Variants in RBM15B observed in about 807,000 individuals in gnomAD.
The protein encoded by RBM15B is RNA binding motif protein 15B.
In RBM15B, 11 loss-of-function variants were observed where a neutral mutation model predicts 53.3. The observed-to-expected ratio is 0.21, with a 90% CI of 0.13 to 0.34. The LOEUF (loss-of-function observed/expected upper bound fraction) is 0.34. Ranked by LOEUF, RBM15B falls within the 10% of genes least tolerant of loss-of-function variation. The probability of loss-of-function intolerance (pLI) is 1.00; values close to 1 mark genes in which losing one functional copy is unlikely to be tolerated. For missense variants in RBM15B, 1,136 were observed against 1,250.3 expected, an observed-to-expected ratio of 0.91 and a Z score of 1.38; for synonymous variants, 631 against 540.7, an observed-to-expected ratio of 1.17 and a Z score of -2.32.
At position 51,392,925 on chromosome 3, in the gene RBM15B, A is replaced by G; in HGVS notation, c.1526A>G (p.His509Arg). The change falls in exon 1 of 1, where the codon CAT becomes CGT. Residue 509 changes from histidine to arginine, a missense_variant. Physicochemically the swap from His to Arg is conservative, Grantham distance 29. Transcript: ENST00000563281. The surrounding 1 kb of genome is among the most constrained non-coding windows in gnomAD (Gnocchi z 7.5). ...TACCAGCCCTCGCCACTCCCTGTGC[A>G]TTATGAGCTGCTCACAGATGGATAC... ...QQYQPSPLPV[H>R]YELLTDGYTR... The G allele has an allele frequency of 6.2e-7, 1 of 1,613,844 alleles. No homozygotes were observed. The highest frequency in any genetic ancestry group is 1.3e-5 in the African/African-American group (1 of 75,058).
Position 51,393,802 on chromosome 3 carries a change from C to T in RBM15B, c.2403C>T (p.Pro801=). 20 of 1,613,668 alleles carry T rather than the reference C, an allele frequency of 1.2e-5. No individual in the cohort carries two copies. The highest frequency in any genetic ancestry group is 1.7e-5 in the Non-Finnish European group (20 of 1,179,974). The change falls in exon 1 of 1, where the codon CCC becomes CCT. Residue 801 remains proline (P), a synonymous_variant. Coordinates refer to ENST00000563281, the MANE Select transcript of RBM15B (RefSeq NM_013286.5). The surrounding 1 kb of genome is among the most constrained non-coding windows in gnomAD (Gnocchi z 5.6). The part of the protein sequence containing the change: ...YAVLLATQAT[P]SGLGTEGMPT... ...TCCTCTTAGCCACCCAGGCAACCCC[C>T]AGTGGGCTTGGCACTGAGGGGATGC... is the stretch of plus-strand genomic sequence containing the variant.
rs781936903 is a variant in RBM15B, at chr3:51,391,737, C to T, written c.338C>T (p.Ser113Phe). ...GCCTCCGGCATGTCGCCCCGCGCGT[C>T]TCCTCTGCCGCCGCCTCCGCCACCG... ...PGASGMSPRASPLPPPPPPPG... is the reference protein window; with the variant it reads ...PGASGMSPRAFPLPPPPPPPG... The change falls in exon 1 of 1, where the codon TCT (serine) becomes TTT (phenylalanine). Residue 113 changes from serine to phenylalanine, a missense_variant. By Grantham distance (155) the Ser-to-Phe change is radical (BLOSUM62 -2). This residue lies in a region of RBM15B where 257 missense variants were observed against 261.1 expected (regional missense o/e 0.98). Coordinates refer to ENST00000563281, the MANE Select transcript of RBM15B (RefSeq NM_013286.5). This position sits in a 1 kb window ranked among gnomAD's most constrained non-coding sequence, Gnocchi z 4.5. 132 of 1,512,996 alleles carry T rather than the reference C, an allele frequency of 8.7e-5. No individual in the cohort carries two copies. Among genetic ancestry groups the T allele is most frequent in the Non-Finnish European group, 1.1e-4 (122 of 1,142,330 alleles). The allele number at this position is 1,512,996 out of a possible 1,614,324, so 93.7% of individuals were successfully genotyped here. A position where few individuals can be genotyped will look rare whatever the true frequency, so the allele number is the denominator to read the frequency against.
Position 51,391,557 on chromosome 3 carries a change from C to A in RBM15B, c.158C>A (p.Ala53Asp). ...GCCAAGCACCCGGTTCCAGCGCGGG[C>A]CCGCGACAAACCCCGCGGCAGCGGA... ...GGAKHPVPAR[A>D]RDKPRGSGSG... Residue 53 changes from alanine (A) to aspartate (D), a missense_variant, in exon 1 of 1, where the codon GCC (alanine) becomes GAC (aspartate). By Grantham distance (126) the Ala-to-Asp change is moderately radical. Transcript: ENST00000563281. The surrounding 1 kb of genome is among the most constrained non-coding windows in gnomAD (Gnocchi z 4.5). 2 of 1,182,826 alleles carry A rather than the reference C, an allele frequency of 1.7e-6. No individual in the cohort carries two copies. The highest frequency in any genetic ancestry group is 4.1e-5 in the South Asian group (1 of 24,164). 73.3% of individuals were successfully genotyped at this position (1,182,826 alleles called of 1,614,324 possible). A position where few individuals can be genotyped will look rare whatever the true frequency, so the allele number is the denominator to read the frequency against.
In RBM15B at chr3:51,391,835, T is replaced by A; in HGVS notation, c.436T>A (p.Leu146Met). 2 of 1,602,388 alleles carry A rather than the reference T, an allele frequency of 1.2e-6. No homozygotes were observed. The highest frequency in any genetic ancestry group is 1.7e-5 in the Admixed American group (1 of 59,988). ...PEYKTLLISS[L>M]SPALPAEHLE... Reference sequence around the variant, plus strand: ...GTACAAGACGTTGCTCATCAGCAGCTTGAGCCCCGCGCTGCCCGCCGAGCA... The same window carrying A: ...GTACAAGACGTTGCTCATCAGCAGCATGAGCCCCGCGCTGCCCGCCGAGCA... The change falls in exon 1 of 1, where the codon TTG (leucine) becomes ATG (methionine). Residue 146 changes from leucine to methionine, a missense_variant. Transcript: ENST00000563281. This position sits in a 1 kb window ranked among gnomAD's most constrained non-coding sequence, Gnocchi z 4.5.
Position 51,392,289 on chromosome 3 carries a change from GACT to G in RBM15B, c.891_893del (p.Leu298del). The G allele has an allele frequency of 6.2e-7, 1 of 1,607,672 alleles. No individual in the cohort carries two copies. The highest frequency in any genetic ancestry group is 1.1e-5 in the South Asian group (1 of 90,850). On this transcript the variant is annotated inframe_deletion, in exon 1 of 1. Coordinates refer to ENST00000563281, the MANE Select transcript of RBM15B (RefSeq NM_013286.5). The surrounding 1 kb of genome is among the most constrained non-coding windows in gnomAD (Gnocchi z 7.5). ...GATGCCGCTGCTGCCGCCGCCGTGG[GACT>G]GTCCCGGGAGCGGGCCCTGGACTAC...
rs781959908 is a variant in RBM15B at position 51,393,052 on chromosome 3, C to T, written c.1653C>T (p.Thr551=). ...GGACTTTTTTGGAAGGGGACTGGACCAGCCCCAGTAAAAGCTCTGACCGCC... is the reference window on the plus strand; with the variant it reads ...GGACTTTTTTGGAAGGGGACTGGACTAGCCCCAGTAAAAGCTCTGACCGCC... ...RDRTFLEGDW[T]SPSKSSDRRN... Residue 551 remains threonine (T), a synonymous_variant, in exon 1 of 1, where the codon ACC becomes ACT. Coordinates refer to ENST00000563281, the MANE Select transcript of RBM15B (RefSeq NM_013286.5). This position sits in a 1 kb window ranked among gnomAD's most constrained non-coding sequence, Gnocchi z 5.6. The T allele has an allele frequency of 2.5e-6, 4 of 1,613,826 alleles. No homozygotes were observed. The highest frequency in any genetic ancestry group is 1.1e-5 in the South Asian group (1 of 91,072).
rs1553621877 is a variant in RBM15B at position 51,393,033 on chromosome 3, T to C, written c.1634T>C (p.Phe545Ser). The change falls in exon 1 of 1, where the codon TTT becomes TCT. Residue 545 changes from phenylalanine to serine, a missense_variant. By Grantham distance (155) the Phe-to-Ser change is radical (BLOSUM62 -2). Around this residue, in one of 7 missense-constraint regions of RBM15B, gnomAD observed 578 missense variants for 581.6 expected, o/e 0.99. Transcript: ENST00000563281. The surrounding 1 kb of genome is among the most constrained non-coding windows in gnomAD (Gnocchi z 5.6). ...HLLYSDRDRTFLEGDWTSPSK... is the reference protein window; with the variant it reads ...HLLYSDRDRTSLEGDWTSPSK... ...CTGTACTCAGACCGAGACCGGACTT[T>C]TTTGGAAGGGGACTGGACCAGCCCC... 4 of 1,613,740 alleles carry C rather than the reference T, an allele frequency of 2.5e-6. No homozygotes were observed. Among genetic ancestry groups the C allele is most frequent in the African/African-American group, 2.7e-5 (2 of 74,992 alleles).
Position 51,395,951 on chromosome 3 carries a change from C to CA in RBM15B, c.*1880dup. On this transcript the variant is annotated 3_prime_UTR_variant, in exon 1 of 1. Transcript: ENST00000563281. ...ACAGCTGCCAGGTACCTAAGCAAGT[C>CA]AGTTGGGTACAGCAGGACACGCCAC... The CA allele has an allele frequency of 2.4e-6, 1 of 413,444 alleles. No individual in the cohort carries two copies. The highest frequency in any genetic ancestry group is 3.6e-5 in the East Asian group (1 of 28,082). The allele number at this position is 413,444 out of a possible 1,614,324, so 25.6% of individuals were successfully genotyped here.
Position 51,394,333 on chromosome 3 carries a change from TTTA to T in RBM15B, c.*264_*266del, listed in dbSNP as rs2089101239. On this transcript the variant is annotated 3_prime_UTR_variant, in exon 1 of 1. Transcript: ENST00000563281. ...ACTGTCTGCTGTGGTTCTGTATTTT[TTTA>T]TTTTTTGACCAACTGTATGGAAAGT... The T allele has an allele frequency of 7.4e-6, 3 of 407,596 alleles. No individual in the cohort carries two copies. Among genetic ancestry groups the T allele is most frequent in the Non-Finnish European group, 8.2e-6 (2 of 242,574 alleles). 25.2% of individuals were successfully genotyped at this position (407,596 alleles called of 1,614,324 possible). A position where few individuals can be genotyped will look rare whatever the true frequency, so the allele number is the denominator to read the frequency against.
Position 51,391,519 on chromosome 3 carries a change from GGCCTCTGGCGGC to G in RBM15B, c.124_135del (p.Ser42_Ala45del). On this transcript the variant is annotated inframe_deletion, in exon 1 of 1. Coordinates refer to ENST00000563281, the MANE Select transcript of RBM15B (RefSeq NM_013286.5). This position sits in a 1 kb window ranked among gnomAD's most constrained non-coding sequence, Gnocchi z 4.5. Reference sequence around the variant, plus strand: ...CGGGCGGGCGGCGGGCGGCGCACAAGGCCTCTGGCGGCGCCAAGCACCCGGTTCCAGCGCGGG... The same window carrying G: ...CGGGCGGGCGGCGGGCGGCGCACAAGGCCAAGCACCCGGTTCCAGCGCGGG... The G allele has an allele frequency of 1.7e-6, 2 of 1,196,124 alleles. No individual in the cohort carries two copies. The highest frequency in any genetic ancestry group is 2.1e-6 in the Non-Finnish European group (2 of 964,508). 74.1% of individuals were successfully genotyped at this position (1,196,124 alleles called of 1,614,324 possible).
rs1161615493 is a variant in RBM15B at position 51,393,133 on chromosome 3, G to C, written c.1734G>C (p.Trp578Cys). Residue 578 changes from tryptophan (W) to cysteine (C), a missense_variant, in exon 1 of 1, where the codon TGG becomes TGC. By Grantham distance (215) the Trp-to-Cys change is radical. Around this residue, in one of 7 missense-constraint regions of RBM15B, gnomAD observed 578 missense variants for 581.6 expected, o/e 0.99. Coordinates refer to ENST00000563281, the MANE Select transcript of RBM15B (RefSeq NM_013286.5). The surrounding 1 kb of genome is among the most constrained non-coding windows in gnomAD (Gnocchi z 5.6). ...TGCGCAGCCGGAGTGGTGAGCGTTGGGGGGCAGATGGAGACCGTGGTTTGC... is the reference window on the plus strand; with the variant it reads ...TGCGCAGCCGGAGTGGTGAGCGTTGCGGGGCAGATGGAGACCGTGGTTTGC... The part of the protein sequence containing the change: ...RSVRSRSGER[W>C]GADGDRGLPK... 4 of 1,613,926 alleles carry C rather than the reference G, an allele frequency of 2.5e-6. No homozygotes were observed. Among genetic ancestry groups the C allele is most frequent in the Admixed American group, 1.7e-5 (1 of 60,006 alleles).
chr3:51,395,988 A>G lies in RBM15B; in HGVS notation c.*1916A>G. ...GCAGGACACGCCACCATTCCAGGGT[A>G]GCTGGTACCGCCAGAAACAGGAGTG... On this transcript the variant is annotated 3_prime_UTR_variant, in exon 1 of 1. Transcript: ENST00000563281. 1 of 413,366 alleles carries G rather than the reference A, an allele frequency of 2.4e-6. No individual in the cohort carries two copies. The highest frequency in any genetic ancestry group is 4.4e-6 in the Non-Finnish European group (1 of 226,088). 25.6% of individuals were successfully genotyped at this position (413,366 alleles called of 1,614,324 possible). A position where few individuals can be genotyped will look rare whatever the true frequency, so the allele number is the denominator to read the frequency against.
In RBM15B at chr3:51,391,888, C is replaced by A. The variant is rs782535129; in HGVS notation, c.489C>A (p.Phe163Leu). The A allele has an allele frequency of 2.5e-6, 4 of 1,604,150 alleles. No individual in the cohort carries two copies. Among genetic ancestry groups the A allele is most frequent in the East Asian group, 2.2e-5 (1 of 44,770 alleles). The change falls in exon 1 of 1, where the codon TTC (phenylalanine) becomes TTA (leucine). Residue 163 changes from phenylalanine to leucine, a missense_variant. By Grantham distance (22) the Phe-to-Leu change is conservative. Transcript: ENST00000563281. This position sits in a 1 kb window ranked among gnomAD's most constrained non-coding sequence, Gnocchi z 4.5. ...EHLEDRLFHQ[F>L]KRFGEISLRL... The stretch of plus-strand genomic sequence containing the variant: ...TCGAGGACCGGCTCTTCCACCAGTT[C>A]AAGCGCTTCGGCGAGATCAGCCTCC...
rs1258957852 is a variant in RBM15B at position 51,393,004 on chromosome 3, CCTT to C, written c.1608_1610del (p.Leu537del). 3.1e-6 allele frequency: 5 copies of C among 1,613,738 alleles called. No homozygotes were observed. Among genetic ancestry groups the C allele is most frequent in the African/African-American group, 2.7e-5 (2 of 74,942 alleles). On this transcript the variant is annotated inframe_deletion, in exon 1 of 1. Transcript: ENST00000563281. This position sits in a 1 kb window ranked among gnomAD's most constrained non-coding sequence, Gnocchi z 5.6. Reference sequence around the variant, plus strand: ...TGGTGCGGGACAGGACGCCCCCACACCTTCTGTACTCAGACCGAGACCGGACTT... The same window carrying C: ...TGGTGCGGGACAGGACGCCCCCACACCTGTACTCAGACCGAGACCGGACTT...
chr3:51,394,321 G>C lies in RBM15B; in HGVS notation c.*249G>C, dbSNP rs1484653203. 2.3e-6 allele frequency: 1 copy of C among 440,154 alleles called. No individual in the cohort carries two copies. The highest frequency in any genetic ancestry group is 2.0e-5 in the African/African-American group (1 of 49,004). 27.3% of individuals were successfully genotyped at this position (440,154 alleles called of 1,614,324 possible). A position where few individuals can be genotyped will look rare whatever the true frequency, so the allele number is the denominator to read the frequency against. ...AGTGTACAAGATACTGTCTGCTGTG[G>C]TTCTGTATTTTTTTATTTTTTGACC... On this transcript the variant is annotated 3_prime_UTR_variant, in exon 1 of 1. Coordinates refer to ENST00000563281, the MANE Select transcript of RBM15B (RefSeq NM_013286.5).
At position 51,395,904 on chromosome 3, in the gene RBM15B, T is replaced by C. The variant is rs1229846448; in HGVS notation, c.*1832T>C. The C allele has an allele frequency of 2.4e-6, 1 of 413,454 alleles. No individual in the cohort carries two copies. Among genetic ancestry groups the C allele is most frequent in the Middle Eastern group, 6.3e-4 (1 of 1,590 alleles). 25.6% of individuals were successfully genotyped at this position (413,454 alleles called of 1,614,324 possible). A position where few individuals can be genotyped will look rare whatever the true frequency, so the allele number is the denominator to read the frequency against. ...ATGTTTATTTATTTGCCTGTTTTTG[T>C]TTTTTTACTTGAGCTGTGGTCACAG... On this transcript the variant is annotated 3_prime_UTR_variant, in exon 1 of 1. Transcript: ENST00000563281.
chr3:51,392,327 T>TACG lies in RBM15B; in HGVS notation c.934_936dup (p.Asp312dup), dbSNP rs2089052920. 1.9e-6 allele frequency: 3 copies of TACG among 1,613,170 alleles called. No homozygotes were observed. In the East Asian group the frequency reaches 6.7e-5, roughly 36 times the overall value. ...GCGGGCCCTGGACTACTACGGGCTG[T>TACG]ACGACGACCGTGGGCGCCCCTATGG... On this transcript the variant is annotated inframe_insertion, in exon 1 of 1. Coordinates refer to ENST00000563281, the MANE Select transcript of RBM15B (RefSeq NM_013286.5). The surrounding 1 kb of genome is among the most constrained non-coding windows in gnomAD (Gnocchi z 7.5).
chr3:51,395,035 TTG>T lies in RBM15B; in HGVS notation c.*966_*967del, dbSNP rs1167426745. 6.0e-6 allele frequency: 1 copy of T among 167,198 alleles called. No homozygotes were observed. Among genetic ancestry groups the T allele is most frequent in the African/African-American group, 2.4e-5 (1 of 41,434 alleles). The allele number at this position is 167,198 out of a possible 1,614,324, so 10.4% of individuals were successfully genotyped here. On this transcript the variant is annotated 3_prime_UTR_variant, in exon 1 of 1. Transcript: ENST00000563281. ...TTACTCATGAACTTTGCCTAGTTGT[TTG>T]TGATTTTTGGCTTTCTCTGGTCGTT... is the stretch of plus-strand genomic sequence containing the variant.
rs782159391 is a variant in RBM15B, at chr3:51,391,688, G to T, written c.289G>T (p.Gly97Cys). 1.4e-5 allele frequency: 17 copies of T among 1,227,576 alleles called. No individual in the cohort carries two copies. In the South Asian group the frequency reaches 5.3e-4, roughly 39 times the overall value. The allele number at this position is 1,227,576 out of a possible 1,614,324, so 76.0% of individuals were successfully genotyped here. The change falls in exon 1 of 1, where the codon GGC becomes TGC. Residue 97 changes from glycine (G) to cysteine (C), a missense_variant. By Grantham distance (159) the Gly-to-Cys change is radical (BLOSUM62 -3). Coordinates refer to ENST00000563281, the MANE Select transcript of RBM15B (RefSeq NM_013286.5). The surrounding 1 kb of genome is among the most constrained non-coding windows in gnomAD (Gnocchi z 4.5). ...CGGCGCTGGCGGCGGGGGACGCGGCGGCAAGGCCTCGGGGGACCCGGGCGC... is the reference window on the plus strand; with the variant it reads ...CGGCGCTGGCGGCGGGGGACGCGGCTGCAAGGCCTCGGGGGACCCGGGCGC... Reference protein sequence around the residue: ...GSGAGGGGRGGKASGDPGASG... With the variant: ...GSGAGGGGRGCKASGDPGASG...
Sources: allele counts gnomAD v4.1 joint callset, GRCh38; gene constraint gnomAD v4.1.1; regional missense constraint gnomAD v4.1.1; non-coding constraint Gnocchi (gnomAD v3.1); transcripts MANE v1.5; gene names NCBI Gene and HGNC (gene_info 2026-07-23, HGNC 2026-07-21).